Variants in CELF2 observed in about 807,000 individuals in gnomAD.
The protein encoded by CELF2 is CUGBP Elav-like family member 2.
A neutral mutation model predicts 62.6 loss-of-function variants in CELF2; 8 were observed. The ratio of observed to expected loss-of-function variants is 0.13; its 90% CI spans 0.07 to 0.23. CELF2 has a LOEUF of 0.23. Among genes scored for constraint, CELF2 ranks in the 10% least tolerant of loss-of-function variants. CELF2 has a pLI of 1.00. For missense variants in CELF2, 333 were observed against 671.0 expected (o/e 0.50, Z 5.56); for synonymous variants, 258 against 250.0 (o/e 1.03, Z -0.30).
intron 1 of CELF2, among the ~76,000 whole-genome samples, chr10:11,086,578 TAAAAAAAA>T (rs1168932032): frequency 0.21 from 15,224 of 71,732 alleles, 1,403 homozygotes; most frequent in South Asian, 0.24. Context: ...TTGCATTTGT[TAAAAAAAA>T]AAAAAAAAAA....
rs181497710 is a variant in CELF2, at chr10:11,024,470, G to T, written c.74+6307G>T. ...ACAAAAATTAGTTCGCCGTGGTTTC[G>T]CATGCCTCTAGTCCCACTTACTTGG... On this transcript the variant is annotated intron_variant, in intron 1 of 12. Transcript: ENST00000633077. Among the ~76,000 whole-genome samples the T allele has an allele frequency of 5.3e-5, 8 of 152,158 alleles. No homozygotes were observed. In the East Asian group the frequency reaches 1.5e-3, roughly 29 times the overall value.
the CELF2 span, among the ~76,000 whole-genome samples, chr10:10,734,365 T>G: frequency 6.6e-6 from 1 of 152,350 alleles, no homozygotes; most frequent in East Asian, 1.9e-4. Context: ...CTAGTAGAAC[T>G]CCTTGCTTCA....
the CELF2 span, among the ~76,000 whole-genome samples, chr10:10,717,313 C>A: frequency 6.6e-6 from 1 of 151,828 alleles, no homozygotes; most frequent in Admixed American, 6.6e-5. Flanking sequence ...AACGTGCTAG[C>A]ATGTACCTTT....
At chr10:11,073,951 T>C (rs1380358852) in intron 1 of CELF2, among the ~76,000 whole-genome samples, 1 of 152,226 alleles carries the variant, frequency 6.6e-6, no homozygotes, top group Non-Finnish European at 1.5e-5. Context: ...GTAATGGCCA[T>C]AGAACTTGGA....
intron 2 of CELF2, among the ~76,000 whole-genome samples, chr10:11,176,616 C>T (rs961439897): frequency 3.9e-5 from 6 of 152,146 alleles, no homozygotes; most frequent in African/African-American, 4.8e-5. Flanking sequence ...TTGCCTAGGA[C>T]AGCGCCTGGC....
intron 1 of CELF2, among the ~76,000 whole-genome samples, chr10:10,874,118 C>T (rs748146660): frequency 2.0e-5 from 3 of 152,122 alleles, no homozygotes; most frequent in Non-Finnish European, 2.9e-5. Context: ...TTGACACCAG[C>T]CAGGGCAACG....
intron 1 of CELF2, among the ~76,000 whole-genome samples, chr10:11,129,460 C>G (rs753748730): frequency 5.3e-5 from 8 of 152,162 alleles, no homozygotes; most frequent in Admixed American, 1.3e-4. Flanking sequence ...AAGGTACCAG[C>G]TCTTCTTTGT....
upstream of CELF2, among the ~76,000 whole-genome samples, chr10:11,004,570 A>T (rs2054882681): frequency 6.6e-6 from 1 of 152,116 alleles, no homozygotes. This position sits in a 1 kb window ranked among gnomAD's most constrained non-coding sequence, Gnocchi z 5.0. Flanking sequence ...TTCTTATTTT[A>T]GAAAAGAGCA....
chr10:11,153,045 A>C (rs2063631928), intron 1 of CELF2, among the ~76,000 whole-genome samples: 1 of 152,184 alleles, frequency 6.6e-6, no homozygotes, highest in African/African-American at 2.4e-5. Context: ...ACAAGAAAAA[A>C]TTTTACGACC....
chr10:11,104,731 G>A (rs777409873), intron 1 of CELF2, among the ~76,000 whole-genome samples: 1 of 152,128 alleles, frequency 6.6e-6, no homozygotes, highest in African/African-American at 2.4e-5. Context: ...TTCACTAAAT[G>A]CACTAAGGTA....
chr10:10,961,760 G>GA (rs67279619), intron 2 of CELF2, among the ~76,000 whole-genome samples: 22,677 of 141,334 alleles, frequency 0.16, 1,749 homozygotes, highest in Middle Eastern at 0.27. Context: ...CAAAAAAAAA[G>GA]AAAAAAAAAA....
chr10:10,673,661 A>G, the CELF2 span, among the ~76,000 whole-genome samples: 3 of 152,232 alleles, frequency 2.0e-5, no homozygotes, highest in Non-Finnish European at 2.9e-5. Context: ...ATTCTCTAAC[A>G]TATGCATTCA....
intron 1 of CELF2, among the ~76,000 whole-genome samples, chr10:11,151,382 AGT>A (rs1428738742): frequency 2.0e-5 from 3 of 151,984 alleles, no homozygotes; most frequent in Non-Finnish European, 4.4e-5. Context: ...GAGACGAGGG[AGT>A]GTGTGAGTCA....
rs1171141254 is a variant in CELF2, at chr10:10,993,152, A to T, written c.89+73153A>T. 6.6e-6 allele frequency among the ~76,000 whole-genome samples: 1 copy of T among 152,154 alleles called. No homozygotes were observed. Among genetic ancestry groups the T allele is most frequent in the Non-Finnish European group, 1.5e-5 (1 of 68,022 alleles). On this transcript the variant is annotated intron_variant, in intron 2 of 13. Coordinates refer to the CELF2 transcript ENST00000636488. This position sits in a 1 kb window ranked among gnomAD's most constrained non-coding sequence, Gnocchi z 5.3. ...CGAAGAGGCGAGTCAGCAGATCAGT[A>T]ATAAGGTGTATGAGCTACAAAATAA... is the stretch of plus-strand genomic sequence containing the variant.
chr10:11,197,032 A>AGGAAG lies in CELF2; in HGVS notation c.272-20392_272-20391insGAAGG, dbSNP rs1565231423. Among the ~76,000 whole-genome samples the AGGAAG allele has an allele frequency of 3.2e-4, 5 of 15,606 alleles. 2 individuals are homozygous for AGGAAG. The highest frequency in any genetic ancestry group is 2.2e-3 in the African/African-American group (5 of 2,236). The allele number at this position is 15,606 out of a possible 152,430, so 10.2% of individuals were successfully genotyped here. ...AGAAAGAAAGAAAGAAAGAAAAGAA[A>AGGAAG]GAAAGAAAGAAAGAAAGAAAGAAAG... On this transcript the variant is annotated intron_variant, in intron 2 of 12. Coordinates refer to ENST00000633077, the MANE Select transcript of CELF2 (RefSeq NM_001326342.2).
the CELF2 span, among the ~76,000 whole-genome samples, chr10:10,745,399 C>G: frequency 3.9e-5 from 6 of 152,262 alleles, no homozygotes; most frequent in East Asian, 9.7e-4. Context: ...TGTTCAATCT[C>G]TCCTCCTAGA....
At chr10:10,764,593 C>T in the CELF2 span, among the ~76,000 whole-genome samples, 5 of 152,204 alleles carry the variant, frequency 3.3e-5, no homozygotes, top group Non-Finnish European at 5.9e-5. Flanking sequence ...CTCCAAGGCA[C>T]GTGTTAATGT....
chr10:10,699,835 G>A, the CELF2 span, among the ~76,000 whole-genome samples: 1 of 152,208 alleles, frequency 6.6e-6, no homozygotes, highest in Non-Finnish European at 1.5e-5. Context: ...TGTGTTTCCT[G>A]AATGATGTCT....
At chr10:11,059,081 C>G (rs2066078604) in intron 1 of CELF2, among the ~76,000 whole-genome samples, 1 of 152,140 alleles carries the variant, frequency 6.6e-6, no homozygotes, top group Non-Finnish European at 1.5e-5. Context: ...TTGCGTCTGT[C>G]CTTCTATTTT....
Sources: gnomAD v4.1 joint callset for allele counts (sites outside exome capture counted in the v4.1 genomes callset) on GRCh38, gnomAD v4.1.1 for gene constraint, Gnocchi (gnomAD v3.1) non-coding constraint, MANE v1.5 for transcripts, NCBI Gene and HGNC (gene_info 2026-07-23, HGNC 2026-07-21) for gene names.